Variants in DNAJC13 observed in about 807,000 individuals in gnomAD.
DNAJC13 encodes DnaJ heat shock protein family (Hsp40) member C13, also known as dnaJ homolog subfamily C member 13.
DNAJC13 carries 75 observed loss-of-function variants against 290.5 expected under a neutral mutation model. The ratio of observed to expected loss-of-function variants is 0.26; its 90% CI spans 0.21 to 0.31. The LOEUF (loss-of-function observed/expected upper bound fraction) is 0.31, where lower values mean the gene tolerates loss of function less well. DNAJC13 is among the 10% of genes least tolerant of loss of function. The pLI is 1.00. For missense variants in DNAJC13, 2,260 were observed against 2,674.5 expected (o/e 0.85, Z 3.42); for synonymous variants, 862 against 892.0 (o/e 0.97, Z 0.60).
intron 13 of DNAJC13, 136 bp from the exon 14 acceptor site, chr3:132,460,114 T>G: frequency 2.1e-6 from 1 of 479,348 alleles, no homozygotes; most frequent in Non-Finnish European, 3.7e-6. Flanking sequence ...GAGTTTCCTT[T>G]TTGCCTTACA....
intron 55 of DNAJC13, among the ~76,000 whole-genome samples, chr3:132,532,740 TTTA>T (rs1936454405): frequency 6.6e-6 from 1 of 151,854 alleles, no homozygotes; most frequent in Non-Finnish European, 1.5e-5. Flanking sequence ...TTATTTTTAT[TTTA>T]TTATTTATTT....
intron 21 of DNAJC13, 107 bp from the exon 22 acceptor site, chr3:132,474,825 C>CTT (rs35130364): frequency 5.3e-5 from 3 of 56,934 alleles, no homozygotes; most frequent in African/African-American, 2.8e-4. Flanking sequence ...CCCCCCCCCC[C>CTT]CTTTTTTTTT....
chr3:132,477,158 T>G (rs1227487451), intron 22 of DNAJC13, among the ~76,000 whole-genome samples: 4 of 152,224 alleles, frequency 2.6e-5, no homozygotes, highest in African/African-American at 9.7e-5. Flanking sequence ...TTTTATATAA[T>G]TTATATTTTT....
chr3:132,439,439 G>GTT (rs530053502), intron 2 of DNAJC13, among the ~76,000 whole-genome samples: 1 of 141,714 alleles, frequency 7.1e-6, no homozygotes, highest in Admixed American at 7.1e-5. Flanking sequence ...GGTTTTTTTT[G>GTT]TTTTTTTTTT....
At chr3:132,420,441 C>G (rs778336769) in intron 1 of DNAJC13, among the ~76,000 whole-genome samples, 1 of 152,068 alleles carries the variant, frequency 6.6e-6, no homozygotes, top group Non-Finnish European at 1.5e-5. Flanking sequence ...GGCCCTGAGC[C>G]CAAAACTGCA....
intron 21 of DNAJC13, among the ~76,000 whole-genome samples, chr3:132,473,750 G>T (rs1295867533): frequency 6.6e-6 from 1 of 152,052 alleles, no homozygotes; most frequent in African/African-American, 2.4e-5. Flanking sequence ...GCTTCTTTAA[G>T]ATAACTCACA....
At chr3:132,531,732 G>A (rs1936421846) in intron 55 of DNAJC13, among the ~76,000 whole-genome samples, 1 of 151,818 alleles carries the variant, frequency 6.6e-6, no homozygotes, top group Non-Finnish European at 1.5e-5. Context: ...GGGAGGCAGA[G>A]CATGCAGTGA....
chr3:132,499,605 A>G (rs1160803521), intron 37 of DNAJC13, 129 bp from the exon 38 acceptor site: 3 of 866,244 alleles, frequency 3.5e-6, no homozygotes, highest in South Asian at 1.8e-5. Flanking sequence ...TTATTAACAA[A>G]TGTTGATCAA....
intron 22 of DNAJC13, among the ~76,000 whole-genome samples, chr3:132,475,865 C>G (rs1219151438): frequency 6.6e-6 from 1 of 152,132 alleles, no homozygotes; most frequent in African/African-American, 2.4e-5. Flanking sequence ...GTTCTTTGAC[C>G]TCGTTCATTT....
chr3:132,492,762 T>C (rs1935104295), intron 33 of DNAJC13, 147 bp downstream of exon 33: 1 of 664,104 alleles, frequency 1.5e-6, no homozygotes, highest in African/African-American at 1.8e-5. Flanking sequence ...ACTCTGAGTA[T>C]AGTTTATTAT....
rs1485927457 is a variant in DNAJC13, at chr3:132,520,024, G to A, written c.5674-2804G>A. ...CAGATCCCTTGAGACTTACTATCAC[G>A]AGAACAGAATAGCACGAGAAAGACC... On this transcript the variant is annotated intron_variant, in intron 48 of 55. Transcript: ENST00000260818. Among the ~76,000 whole-genome samples the A allele has an allele frequency of 3.9e-5, 6 of 152,072 alleles. No homozygotes were observed. In the East Asian group the frequency reaches 5.8e-4, roughly 15 times the overall value.
At chr3:132,434,404 C>T in intron 1 of DNAJC13, 134 bp from the exon 2 acceptor site, 1 of 461,504 alleles carries the variant, frequency 2.2e-6, no homozygotes, top group Non-Finnish European at 3.8e-6. Context: ...AAAAACAAAA[C>T]CTTATGGTCT....
At chr3:132,431,755 C>T (rs752512471) in intron 1 of DNAJC13, among the ~76,000 whole-genome samples, 15 of 152,212 alleles carry the variant, frequency 9.9e-5, no homozygotes, top group Admixed American at 5.2e-4. Context: ...CATCAATTGA[C>T]GAATGGATAA....
rs1156614566 is a variant in DNAJC13 at position 132,470,848 on chromosome 3, C to G, written c.2209-2297C>G. ...CGGCTGGCCAGGCGGGGGGCTGATC[C>G]CCCCACCTCCCTCCCGGACAGGGCG... is the stretch of plus-strand genomic sequence containing the variant. On this transcript the variant is annotated intron_variant, in intron 20 of 55. Transcript: ENST00000260818. 1.5e-3 allele frequency among the ~76,000 whole-genome samples: 149 copies of G among 96,910 alleles called. 2 individuals carry two copies. Among genetic ancestry groups the G allele is most frequent in the African/African-American group, 4.2e-3 (68 of 16,164 alleles). 63.6% of individuals were successfully genotyped at this position (96,910 alleles called of 152,430 possible). A position where few individuals can be genotyped will look rare whatever the true frequency, so the allele number is the denominator to read the frequency against.
At chr3:132,467,390 G>T (rs777786407) in intron 20 of DNAJC13, 77 bp downstream of exon 20, 2 of 1,434,336 alleles carry the variant, frequency 1.4e-6, no homozygotes, top group Admixed American at 4.1e-5. Context: ...TGTTCACAGA[G>T]ATGGTATCGA....
chr3:132,475,062 T>C lies in DNAJC13; in HGVS notation c.2422T>C (p.Ser808Pro). The change falls in exon 22 of 56, where the codon TCC becomes CCC. Residue 808 changes from serine (S) to proline (P), a missense_variant. Physicochemically the swap from Ser to Pro is moderately conservative, Grantham distance 74. This residue lies in a region of DNAJC13 where 762 missense variants were observed against 964.1 expected (regional missense o/e 0.79). Transcript: ENST00000260818. ...AGAACTTGGAAGTGCAAATGTGATC[T>C]CCTGGAACCACCATGAGTTTGAGGT... The part of the protein sequence containing the change: ...DRELGSANVI[S>P]WNHHEFEVKY... The C allele has an allele frequency of 6.2e-7, 1 of 1,606,508 alleles. No individual in the cohort carries two copies. The highest frequency in any genetic ancestry group is 8.5e-7 in the Non-Finnish European group (1 of 1,176,546).
intron 12 of DNAJC13, 23 bp from the exon 13 acceptor site, chr3:132,457,246 A>G: frequency 6.4e-7 from 1 of 1,562,958 alleles, no homozygotes; most frequent in South Asian, 1.2e-5. Context: ...TTGCTAGTAT[A>G]TGCTTGTTTT....
intron 1 of DNAJC13, among the ~76,000 whole-genome samples, chr3:132,420,418 T>G (rs1240051669): frequency 1.3e-5 from 2 of 152,202 alleles, no homozygotes; most frequent in Non-Finnish European, 2.9e-5. Flanking sequence ...GAGAATCTTA[T>G]GCCTGGAGGA....
rs187627510 is a variant in DNAJC13, at chr3:132,535,462, A to T, written c.6626-2714A>T. Among the ~76,000 whole-genome samples the T allele has an allele frequency of 2.6e-5, 4 of 152,272 alleles. No individual in the cohort carries two copies. In the East Asian group the frequency reaches 7.7e-4, roughly 29 times the overall value. The stretch of plus-strand genomic sequence containing the variant: ...GGTTACTCATTATCCAGGGCCCTTG[A>T]TCACTTAGCCATTTATTAGGTTCTA... On this transcript the variant is annotated intron_variant, in intron 55 of 55. Transcript: ENST00000260818.
Sources: allele counts gnomAD v4.1 joint callset (sites outside exome capture counted in the v4.1 genomes callset), GRCh38; gene constraint gnomAD v4.1.1; regional missense constraint gnomAD v4.1.1; transcripts MANE v1.5; gene names NCBI Gene and HGNC (gene_info 2026-07-23, HGNC 2026-07-21).